VDAC1: variants seen among roughly 807,000 people sequenced by gnomAD.
VDAC1 encodes the protein voltage dependent anion channel 1.
A neutral mutation model predicts 34.7 loss-of-function variants in VDAC1; 10 were observed. That is an observed-to-expected ratio of 0.29 (90% confidence interval 0.18 to 0.49). The LOEUF (loss-of-function observed/expected upper bound fraction) is 0.49, where lower values mean the gene tolerates loss of function less well. Among genes scored for constraint, VDAC1 ranks in the 20% least tolerant of loss-of-function variants. The pLI is 0.99. For synonymous variants in VDAC1, 130 were observed against 136.0 expected, an observed-to-expected ratio of 0.96 and a Z score of 0.30; for missense variants, 230 against 347.9, an observed-to-expected ratio of 0.66 and a Z score of 2.69.
At chr5:134,006,611 C>T (rs34633682), upstream of VDAC1, among the ~76,000 whole-genome samples, 37,448 of 151,418 alleles carry the variant, frequency 0.25, 5,000 homozygotes, top group Admixed American at 0.3. Context: ...GGCGTGGTGG[C>T]GCGCGCCTGT....
At chr5:133,978,015 C>G (rs983827312) in intron 6 of VDAC1, among the ~76,000 whole-genome samples, 12 of 152,164 alleles carry the variant, frequency 7.9e-5, no homozygotes, top group African/African-American at 2.4e-4. Context: ...TCTGCCTCAT[C>G]ATTGTGGGCA....
chr5:134,042,180 C>G, the VDAC1 span, among the ~76,000 whole-genome samples: 1 of 152,176 alleles, frequency 6.6e-6, no homozygotes, highest in East Asian at 1.9e-4. Flanking sequence ...GCACTGATGG[C>G]CTGGGGTCAA....
At chr5:133,996,761 G>C (rs1309660711) in intron 1 of VDAC1, among the ~76,000 whole-genome samples, 1 of 152,156 alleles carries the variant, frequency 6.6e-6, no homozygotes, top group Non-Finnish European at 1.5e-5. Flanking sequence ...TTAGCAATGG[G>C]GAAAAAAGTA....
chr5:134,019,022 C>T, the VDAC1 span, among the ~76,000 whole-genome samples: 1 of 152,162 alleles, frequency 6.6e-6, no homozygotes, highest in African/African-American at 2.4e-5. Flanking sequence ...CTGCCCCATG[C>T]ATCTCGCATC....
the VDAC1 span, among the ~76,000 whole-genome samples, chr5:134,093,031 G>T: frequency 6.6e-6 from 1 of 152,318 alleles, no homozygotes; most frequent in South Asian, 2.1e-4. Flanking sequence ...GGATAAAGGT[G>T]ATTTGTGGAT....
intron 7 of VDAC1, 54 bp from the exon 8 acceptor site, chr5:133,973,902 T>C: frequency 6.5e-7 from 1 of 1,549,262 alleles, no homozygotes; most frequent in Non-Finnish European, 8.8e-7. Flanking sequence ...ACTTTGCACT[T>C]CCATCTCCAA....
chr5:133,991,729 C>T (rs548368503), intron 3 of VDAC1, among the ~76,000 whole-genome samples: 2 of 151,790 alleles, frequency 1.3e-5, no homozygotes, highest in East Asian at 3.9e-4. Context: ...GTGAAAACCA[C>T]AAAAACTGCC....
At chr5:133,987,159 G>C (rs1029218506) in intron 5 of VDAC1, among the ~76,000 whole-genome samples, 12 of 151,862 alleles carry the variant, frequency 7.9e-5, no homozygotes, top group African/African-American at 2.9e-4. Context: ...TCAGGAGTTT[G>C]AGACCAGACT....
the VDAC1 span, among the ~76,000 whole-genome samples, chr5:134,056,905 TCCTGAACTCAGG>T: frequency 6.6e-6 from 1 of 151,618 alleles, no homozygotes; most frequent in Non-Finnish European, 1.5e-5. Flanking sequence ...GGTCTCGAAC[TCCTGAACTCAGG>T]TGATCCGCTC....
rs372066531 is a variant in VDAC1 at position 133,999,213 on chromosome 5, C to T, written c.-7+5682G>A. On this transcript the variant is annotated intron_variant, in intron 1 of 8. Transcript: ENST00000265333. ...GATTCAGGCAGATGAGCTTTGCACC[C>T]CTAGAGAGCCAACAACTACTGCAAT... Among the ~76,000 whole-genome samples, 56 of 152,146 alleles carry T rather than the reference C, an allele frequency of 3.7e-4. No homozygotes were observed. The South Asian group carries it at 0.011, about 30-fold the overall frequency.
the VDAC1 span, among the ~76,000 whole-genome samples, chr5:134,046,178 A>T: frequency 7.7e-6 from 1 of 129,524 alleles, no homozygotes; most frequent in Non-Finnish European, 1.7e-5. Flanking sequence ...GGCACCTGCC[A>T]CCACGCCCAG....
intron 3 of VDAC1, 126 bp from the exon 4 acceptor site, chr5:133,991,280 C>T (rs964483427): frequency 5.2e-6 from 6 of 1,163,292 alleles, no homozygotes; most frequent in Non-Finnish European, 6.0e-6. Context: ...CCAAGGCTAA[C>T]TCTACAATTC....
chr5:134,043,567 C>T, the VDAC1 span, among the ~76,000 whole-genome samples: 7 of 151,924 alleles, frequency 4.6e-5, no homozygotes, highest in Non-Finnish European at 8.8e-5. Context: ...AAGGTTCACT[C>T]TGTTGCCCAG....
chr5:133,996,783 T>C (rs1312447514), intron 1 of VDAC1, among the ~76,000 whole-genome samples: 1 of 152,200 alleles, frequency 6.6e-6, no homozygotes, highest in Non-Finnish European at 1.5e-5. Flanking sequence ...AAACTTGGAA[T>C]CTGACAATAG....
At chr5:134,091,697 C>T in the VDAC1 span, among the ~76,000 whole-genome samples, 2 of 152,246 alleles carry the variant, frequency 1.3e-5, no homozygotes, top group African/African-American at 4.8e-5. Flanking sequence ...AAAGGATCAT[C>T]TATAAACAGA....
the VDAC1 span, among the ~76,000 whole-genome samples, chr5:134,044,040 A>G: frequency 6.6e-6 from 1 of 152,300 alleles, no homozygotes; most frequent in African/African-American, 2.4e-5. Context: ...CCAGCTGATG[A>G]GCACAGACTG....
chr5:134,021,858 G>A, the VDAC1 span, among the ~76,000 whole-genome samples: 1 of 151,122 alleles, frequency 6.6e-6, no homozygotes, highest in Non-Finnish European at 1.5e-5. Flanking sequence ...GGAGCAGTAG[G>A]CTCAGAGAAA....
the VDAC1 span, among the ~76,000 whole-genome samples, chr5:134,079,846 C>T: frequency 6.6e-6 from 1 of 152,236 alleles, no homozygotes; most frequent in Non-Finnish European, 1.5e-5. Context: ...AAACCCACTC[C>T]ATGAGGGAGC....
the VDAC1 span, among the ~76,000 whole-genome samples, chr5:134,039,693 C>A: frequency 3.3e-5 from 5 of 152,324 alleles, no homozygotes; most frequent in East Asian, 7.7e-4. Flanking sequence ...CAGAATGAGA[C>A]CTGGCTGCTA....
Sources: gnomAD v4.1 joint callset for allele counts (sites outside exome capture counted in the v4.1 genomes callset) on GRCh38, gnomAD v4.1.1 for gene constraint, MANE v1.5 for transcripts, NCBI Gene and HGNC (gene_info 2026-07-23, HGNC 2026-07-21) for gene names.